Variants in TMEM108 observed in about 807,000 individuals in gnomAD.
TMEM108 encodes transmembrane protein 108.
TMEM108 carries 12 observed loss-of-function variants against 35.1 expected under a neutral mutation model. The observed-to-expected ratio is 0.34, with a 90% CI of 0.22 to 0.55. The LOEUF is 0.55. Among genes scored for constraint, TMEM108 ranks in the 20% least tolerant of loss-of-function variants. The pLI is 0.89. For synonymous variants in TMEM108, 287 were observed against 308.6 expected (o/e 0.93, Z 0.73); for missense variants, 680 against 753.3 (o/e 0.90, Z 1.14).
At chr3:133,388,741 G>C in intron 4 of TMEM108, 8 of 985,468 alleles carry the variant, frequency 8.1e-6, no homozygotes, top group Non-Finnish European at 9.6e-6. Context: ...CTGGCAGCTG[G>C]AAAGAAAGCT....
In TMEM108 at chr3:133,051,806, A is replaced by G. The variant is rs1943409487; in HGVS notation, c.-47+5786A>G. On this transcript the variant is annotated intron_variant, in intron 2 of 5. Coordinates refer to ENST00000321871, the MANE Select transcript of TMEM108 (RefSeq NM_023943.4). ...CTCCTTTGGCAAAGATCAGCTGACT[A>G]TCTGGATGTAGGTATATTTCTAGGC... is the stretch of plus-strand genomic sequence containing the variant. 2.6e-5 allele frequency among the ~76,000 whole-genome samples: 4 copies of G among 152,114 alleles called. 1 individual carries two copies. In the South Asian group the frequency reaches 6.2e-4, roughly 24 times the overall value.
chr3:133,114,385 C>T (rs1253695853), intron 2 of TMEM108, among the ~76,000 whole-genome samples: 2 of 152,102 alleles, frequency 1.3e-5, no homozygotes, highest in African/African-American at 4.8e-5. Flanking sequence ...TGAGGTGAGG[C>T]CTGCAGAAGC....
intron 2 of TMEM108, among the ~76,000 whole-genome samples, chr3:133,173,966 G>A (rs542975603): frequency 1.3e-5 from 2 of 152,274 alleles, no homozygotes; most frequent in East Asian, 3.9e-4. Context: ...TGGAAAATCG[G>A]GTCACTCCCA....
intron 2 of TMEM108, among the ~76,000 whole-genome samples, chr3:133,080,891 A>G (rs1351857110): frequency 6.6e-6 from 1 of 152,158 alleles, no homozygotes; most frequent in Non-Finnish European, 1.5e-5. Context: ...GTCTCTTCAC[A>G]TGAAAAAGGA....
In TMEM108 at chr3:133,371,613, C is replaced by CAAAAAAAAAAAAAAAAAA. The variant is rs3054624; in HGVS notation, c.41-8130_41-8113dup. 1.0e-4 allele frequency among the ~76,000 whole-genome samples: 8 copies of CAAAAAAAAAAAAAAAAAA among 78,096 alleles called. 1 individual carries two copies. The highest frequency in any genetic ancestry group is 4.1e-4 in the African/African-American group (7 of 16,946). 51.2% of individuals were successfully genotyped at this position (78,096 alleles called of 152,430 possible). A position where few individuals can be genotyped will look rare whatever the true frequency, so the allele number is the denominator to read the frequency against. On this transcript the variant is annotated intron_variant, in intron 3 of 5. Transcript: ENST00000321871. ...ATCACTGCAGCCAGTCACAAACCCA[C>CAAAAAAAAAAAAAAAAAA]AAAAAAAAAAAAAAAAAAAAAAAAA...
Position 133,164,267 on chromosome 3 carries a change from G to A in TMEM108, c.-46-64999G>A, listed in dbSNP as rs1032576493. Among the ~76,000 whole-genome samples the A allele has an allele frequency of 1.3e-5, 2 of 152,164 alleles. 1 individual carries two copies. Among genetic ancestry groups the A allele is most frequent in the Middle Eastern group, 6.3e-3 (2 of 316 alleles). ...TCACAGCAAGGGTGATGGGAGCCAG[G>A]ATTTCTTACTGACTTGACTGAACAC... On this transcript the variant is annotated intron_variant, in intron 2 of 5. Transcript: ENST00000321871.
At chr3:133,222,362 C>G (rs941732258) in intron 2 of TMEM108, among the ~76,000 whole-genome samples, 10 of 152,146 alleles carry the variant, frequency 6.6e-5, no homozygotes, top group Non-Finnish European at 1.5e-4. Flanking sequence ...TATAATATAT[C>G]ATCTGTCTTG....
rs571985313 is a variant in TMEM108 at position 133,200,332 on chromosome 3, C to T, written c.-46-28934C>T. Among the ~76,000 whole-genome samples the T allele has an allele frequency of 4.0e-4, 61 of 152,238 alleles. 1 individual carries two copies. The South Asian group carries it at 0.012, about 30-fold the overall frequency. ...GAACCCAGTATCTCAGTTGGAAATG[C>T]GGAACATGGGATTGGAAAATATTTG... is the stretch of plus-strand genomic sequence containing the variant. On this transcript the variant is annotated intron_variant, in intron 2 of 5. Coordinates refer to ENST00000321871, the MANE Select transcript of TMEM108 (RefSeq NM_023943.4).
intron 2 of TMEM108, among the ~76,000 whole-genome samples, chr3:133,108,993 A>G (rs1375203036): frequency 6.6e-6 from 1 of 152,128 alleles, no homozygotes; most frequent in Non-Finnish European, 1.5e-5. Flanking sequence ...TAATAATAAT[A>G]ATAAAAAAGT....
chr3:133,189,918 G>A (rs889387710), intron 2 of TMEM108, among the ~76,000 whole-genome samples: 2 of 152,144 alleles, frequency 1.3e-5, no homozygotes, highest in Non-Finnish European at 2.9e-5. Context: ...GGCATAGTTT[G>A]GCATTATTAT....
intron 1 of TMEM108, among the ~76,000 whole-genome samples, chr3:133,045,479 G>A (rs1308654221): frequency 6.6e-6 from 1 of 152,156 alleles, no homozygotes; most frequent in African/African-American, 2.4e-5. Context: ...CAGCCCATAA[G>A]GTTAAGTGTG....
intron 3 of TMEM108, among the ~76,000 whole-genome samples, chr3:133,336,999 G>A (rs994411512): frequency 3.9e-5 from 6 of 152,140 alleles, no homozygotes; most frequent in Non-Finnish European, 5.9e-5. Context: ...GAAGGACTGT[G>A]TCTCATGGTT....
chr3:133,263,495 A>G (rs1946653987), intron 3 of TMEM108, among the ~76,000 whole-genome samples: 1 of 152,222 alleles, frequency 6.6e-6, no homozygotes, highest in African/African-American at 2.4e-5. Context: ...TGAACACTGT[A>G]GCCTTGTTCC....
intron 3 of TMEM108, among the ~76,000 whole-genome samples, chr3:133,301,722 G>A (rs1947227928): frequency 6.6e-6 from 1 of 152,134 alleles, no homozygotes; most frequent in South Asian, 2.1e-4. Flanking sequence ...CTCTCTGCAA[G>A]CCTGTACCGA....
chr3:133,314,871 C>A (rs970561198), intron 3 of TMEM108, among the ~76,000 whole-genome samples: 6 of 152,182 alleles, frequency 3.9e-5, no homozygotes, highest in Admixed American at 2.6e-4. Context: ...ACAGTGACAA[C>A]GACAACCTGG....
At chr3:133,336,040 C>T (rs1389650731) in intron 3 of TMEM108, among the ~76,000 whole-genome samples, 1 of 152,154 alleles carries the variant, frequency 6.6e-6, no homozygotes, top group African/African-American at 2.4e-5. Flanking sequence ...AGGAATTGCC[C>T]ATCCCAGTAG....
chr3:133,128,153 C>G (rs1328288091), intron 2 of TMEM108, among the ~76,000 whole-genome samples: 2 of 152,220 alleles, frequency 1.3e-5, no homozygotes, highest in Admixed American at 6.5e-5. Flanking sequence ...AACAGTAACT[C>G]TATCACTCAT....
intron 2 of TMEM108, among the ~76,000 whole-genome samples, chr3:133,190,441 A>G (rs926945832): frequency 6.6e-6 from 1 of 152,210 alleles, no homozygotes; most frequent in African/African-American, 2.4e-5. Flanking sequence ...TTTCCTGGAT[A>G]TTGCCAGGCC....
At chr3:133,256,600 C>T (rs1476611455) in intron 3 of TMEM108, among the ~76,000 whole-genome samples, 1 of 152,130 alleles carries the variant, frequency 6.6e-6, no homozygotes, top group Non-Finnish European at 1.5e-5. Flanking sequence ...TATCAATTAA[C>T]TTAGGCATAG....
Sources: gnomAD v4.1 joint callset for allele counts (sites outside exome capture counted in the v4.1 genomes callset) on GRCh38, gnomAD v4.1.1 for gene constraint, MANE v1.5 for transcripts, NCBI Gene and HGNC (gene_info 2026-07-23, HGNC 2026-07-21) for gene names.